Variants in MYZAP observed in about 807,000 individuals in gnomAD.
The protein encoded by MYZAP is GRINL1A complex locus upstream.
A neutral mutation model predicts 69.4 loss-of-function variants in MYZAP; 66 were observed. That is an observed-to-expected ratio of 0.95 (90% CI 0.78 to 1.17). The LOEUF (loss-of-function observed/expected upper bound fraction) is 1.17, where lower values mean the gene tolerates loss of function less well. MYZAP is among the 50% of genes most tolerant of loss of function. The pLI, the probability that MYZAP is intolerant of heterozygous loss-of-function variation, is 0.00. For missense variants in MYZAP, 611 were observed against 556.2 expected (o/e 1.10, Z -0.99); for synonymous variants, 256 against 205.9 (o/e 1.24, Z -2.09).
Position 57,644,196 on chromosome 15 carries a change from G to T in MYZAP, c.1119+4651G>T, listed in dbSNP as rs146582873. ...TCAGAGCGGTGGCCTGACTCTCCTTGCTGGGTTTCATGTTCATGCATTTGG... is the reference window on the plus strand; with the variant it reads ...TCAGAGCGGTGGCCTGACTCTCCTTTCTGGGTTTCATGTTCATGCATTTGG... On this transcript the variant is annotated intron_variant, in intron 10 of 12. Transcript: ENST00000267853. Among the ~76,000 whole-genome samples, 890 of 152,294 alleles carry T rather than the reference G, an allele frequency of 5.8e-3. 7 individuals are homozygous for T. The highest frequency in any genetic ancestry group is 0.011 in the Non-Finnish European group (730 of 68,024).
At position 57,682,448 on chromosome 15, in the gene MYZAP, TC is replaced by T. The variant is rs1478900575; in HGVS notation, c.1305-1950del. On this transcript the variant is annotated intron_variant, in intron 12 of 12. Coordinates refer to ENST00000267853, the MANE Select transcript of MYZAP (RefSeq NM_001018100.5). ...AACTCTCAAATGTCTCCCTAAAATC[TC>T]CCCGCCACTTCCCATCAAGTGCTTC... 3.3e-5 allele frequency among the ~76,000 whole-genome samples: 5 copies of T among 151,436 alleles called. No homozygotes were observed. The East Asian group carries it at 7.8e-4, about 24-fold the overall frequency.
At chr15:57,635,037 C>T (rs184514137) in intron 8 of MYZAP, among the ~76,000 whole-genome samples, 2 of 152,172 alleles carry the variant, frequency 1.3e-5, no homozygotes, top group Admixed American at 6.5e-5. Context: ...CAAGGTGAGC[C>T]GGCAGCATAG....
intron 10 of MYZAP, among the ~76,000 whole-genome samples, chr15:57,654,898 T>C (rs2140519893): frequency 6.6e-6 from 1 of 152,140 alleles, no homozygotes; most frequent in South Asian, 2.1e-4. Flanking sequence ...TTTTTAGCTA[T>C]AGCAATCTGT....
intron 12 of MYZAP, among the ~76,000 whole-genome samples, chr15:57,677,785 C>T (rs58694875): frequency 6.6e-6 from 1 of 152,198 alleles, no homozygotes; most frequent in Non-Finnish European, 1.5e-5. Context: ...GCTAGCTGAG[C>T]TCAGCCTTGG....
chr15:57,604,137 G>A (rs2034588546), intron 1 of MYZAP, 132 bp from the exon 2 acceptor site: 2 of 944,832 alleles, frequency 2.1e-6, no homozygotes, highest in African/African-American at 1.6e-5. Flanking sequence ...TCTCCTCTAT[G>A]GCTCCTGTAT....
chr15:57,632,577 G>T lies in MYZAP; in HGVS notation c.804+18G>T. ...CTCTTTTGGTGTGTGTGTTGTAGCT[G>T]CCGATGTAAACTTACCGGGAATTGT... is the stretch of plus-strand genomic sequence containing the variant. On this transcript the variant is annotated intron_variant, in intron 7 of 12. Coordinates refer to ENST00000267853, the MANE Select transcript of MYZAP (RefSeq NM_001018100.5). 6.2e-7 allele frequency: 1 copy of T among 1,613,280 alleles called. No individual in the cohort carries two copies. The highest frequency in any genetic ancestry group is 8.5e-7 in the Non-Finnish European group (1 of 1,179,770).
Position 57,659,911 on chromosome 15 carries a change from C to T in MYZAP, c.1120-1539C>T, listed in dbSNP as rs538427556. On this transcript the variant is annotated intron_variant, in intron 10 of 12. Coordinates refer to ENST00000267853, the MANE Select transcript of MYZAP (RefSeq NM_001018100.5). ...AGTTCTTCCCTTTCCCTATTGGTAG[C>T]TATTTATTAATAATTAGGGTTCATT... 3.3e-5 allele frequency among the ~76,000 whole-genome samples: 5 copies of T among 152,234 alleles called. No homozygotes were observed. The South Asian group carries it at 1.0e-3, about 32-fold the overall frequency.
chr15:57,657,872 A>C (rs549752535), intron 10 of MYZAP, among the ~76,000 whole-genome samples: 1 of 152,224 alleles, frequency 6.6e-6, no homozygotes, highest in Non-Finnish European at 1.5e-5. Context: ...CACCTGCAAC[A>C]CAGGAGAGGA....
intron 11 of MYZAP, among the ~76,000 whole-genome samples, chr15:57,663,990 A>C (rs1391235448): frequency 6.6e-6 from 1 of 152,140 alleles, no homozygotes; most frequent in Admixed American, 6.5e-5. Flanking sequence ...ACAAGATTTA[A>C]TAATACATTT....
At position 57,661,647 on chromosome 15, in the gene MYZAP, T is replaced by G. The variant is rs1595922766; in HGVS notation, c.1203+114T>G. The G allele has an allele frequency of 1.1e-5, 10 of 925,686 alleles. No individual in the cohort carries two copies. The East Asian group carries it at 2.9e-4, about 27-fold the overall frequency. The allele number at this position is 925,686 out of a possible 1,614,324, so 57.3% of individuals were successfully genotyped here. A position where few individuals can be genotyped will look rare whatever the true frequency, so the allele number is the denominator to read the frequency against. On this transcript the variant is annotated intron_variant, in intron 11 of 12. Coordinates refer to ENST00000267853, the MANE Select transcript of MYZAP (RefSeq NM_001018100.5). ...TGGCTATTTCCCGGCCTTATAAAAT[T>G]GATTGAGGGTTAAGTGCCAGCCTTG... is the stretch of plus-strand genomic sequence containing the variant.
intron 1 of MYZAP, among the ~76,000 whole-genome samples, chr15:57,595,983 G>C (rs77459744): frequency 0.07 from 10,716 of 152,242 alleles, 466 homozygotes; most frequent in South Asian, 0.12. Flanking sequence ...TAAGGGCAGG[G>C]CTTAAACCTG....
intron 11 of MYZAP, among the ~76,000 whole-genome samples, chr15:57,674,424 G>A (rs1377407499): frequency 2.6e-5 from 4 of 152,114 alleles, no homozygotes; most frequent in African/African-American, 9.7e-5. Context: ...CCACACCTAC[G>A]AAAGACTAAT....
chr15:57,598,562 T>C (rs1364303960), intron 1 of MYZAP, among the ~76,000 whole-genome samples: 3 of 152,212 alleles, frequency 2.0e-5, no homozygotes, highest in African/African-American at 7.2e-5. Flanking sequence ...GTCCATTGTG[T>C]GGTGCATGGA....
intron 2 of MYZAP, among the ~76,000 whole-genome samples, chr15:57,612,277 T>C (rs2035153483): frequency 6.6e-6 from 1 of 151,980 alleles, no homozygotes; most frequent in Non-Finnish European, 1.5e-5. Flanking sequence ...TTCTCAACCA[T>C]ATTGGCAGCC....
At chr15:57,661,903 G>T (rs1211971912) in intron 11 of MYZAP, among the ~76,000 whole-genome samples, 1 of 152,078 alleles carries the variant, frequency 6.6e-6, no homozygotes, top group African/African-American at 2.4e-5. Context: ...TTTAAGAAAG[G>T]CAAGACTAAG....
chr15:57,615,085 G>A (rs1019642992), intron 2 of MYZAP, among the ~76,000 whole-genome samples: 5 of 152,062 alleles, frequency 3.3e-5, no homozygotes, highest in Non-Finnish European at 7.4e-5. Flanking sequence ...TCCTGGGGCC[G>A]TGCCCTTCCT....
chr15:57,645,873 G>T (rs2140488103), intron 10 of MYZAP, among the ~76,000 whole-genome samples: 1 of 152,294 alleles, frequency 6.6e-6, no homozygotes, highest in South Asian at 2.1e-4. Context: ...TATACAAAAA[G>T]CGATTTTTAA....
At position 57,618,050 on chromosome 15, in the gene MYZAP, T is replaced by C. The variant is rs779614211; in HGVS notation, c.180T>C (p.Asn60=). ...ERKEQLLDLS[N]GEPTRKLPQG... ...TCTTTTAGCTTCTTGACCTGAGCAA[T>C]GGAGAACCTACCAGGAAACTTCCTC... Residue 60 remains asparagine (N), a synonymous_variant, in exon 3 of 13, where the codon AAT becomes AAC. Coordinates refer to ENST00000267853, the MANE Select transcript of MYZAP (RefSeq NM_001018100.5). 3.1e-6 allele frequency: 5 copies of C among 1,613,828 alleles called. No individual in the cohort carries two copies. The East Asian group carries it at 8.9e-5, about 29-fold the overall frequency.
chr15:57,666,963 A>G (rs1394736400), intron 11 of MYZAP, among the ~76,000 whole-genome samples: 1 of 152,206 alleles, frequency 6.6e-6, no homozygotes, highest in Non-Finnish European at 1.5e-5. Context: ...AAATGTTCTT[A>G]AAATAACATT....
Sources: allele counts gnomAD v4.1 joint callset (sites outside exome capture counted in the v4.1 genomes callset), GRCh38; gene constraint gnomAD v4.1.1; transcripts MANE v1.5; gene names NCBI Gene and HGNC (gene_info 2026-07-23, HGNC 2026-07-21).